Variants in ABR observed in about 807,000 individuals in gnomAD.
The protein encoded by ABR is ABR activator of RhoGEF and GTPase.
In ABR, 35 loss-of-function variants were observed where a neutral mutation model predicts 107.2. The ratio of observed to expected loss-of-function variants is 0.33; its 90% confidence interval spans 0.25 to 0.43. The LOEUF is 0.43. Ranked by LOEUF, ABR falls within the 20% of genes least tolerant of loss-of-function variation. The probability of loss-of-function intolerance (pLI) is 1.00; values close to 1 mark genes in which losing one functional copy is unlikely to be tolerated. For synonymous variants in ABR, 498 were observed against 462.0 expected, an observed-to-expected ratio of 1.08 and a Z score of -1.00; for missense variants, 815 against 1,115.2, an observed-to-expected ratio of 0.73 and a Z score of 3.83.
At position 1,203,176 on chromosome 17, in the gene ABR, G is replaced by C. The variant is rs566906401; in HGVS notation, c.838+25617C>G. ...GCTGGGATGACAGGCGTGAGCCATC[G>C]CGCCCAGCCCCATTCCTTTTAAAAG... is the stretch of plus-strand genomic sequence containing the variant. On this transcript the variant is annotated intron_variant, in intron 1 of 22. Coordinates refer to the ABR transcript ENST00000574139. Among the ~76,000 whole-genome samples the C allele has an allele frequency of 3.9e-5, 6 of 152,270 alleles. No individual in the cohort carries two copies. In the East Asian group the frequency reaches 1.2e-3, roughly 29 times the overall value.
chr17:1,188,419 G>A (rs1035859469), upstream of ABR, among the ~76,000 whole-genome samples: 3 of 151,930 alleles, frequency 2.0e-5, no homozygotes, highest in Non-Finnish European at 4.4e-5. Flanking sequence ...GCATGGTGGC[G>A]GGCGCCTGTA....
chr17:1,081,887 C>A (rs1464783097), intron 5 of ABR, among the ~76,000 whole-genome samples: 3 of 152,152 alleles, frequency 2.0e-5, no homozygotes, highest in African/African-American at 7.2e-5. Flanking sequence ...TCTATAGGTA[C>A]GTTTCATTCC....
At chr17:1,158,413 T>C (rs1301953683) in intron 1 of ABR, among the ~76,000 whole-genome samples, 1 of 151,694 alleles carries the variant, frequency 6.6e-6, no homozygotes, top group African/African-American at 2.4e-5. Flanking sequence ...TAGTCTTTAG[T>C]AAACCAAACC....
chr17:1,078,720 G>T lies in ABR; in HGVS notation c.700+610C>A. The stretch of plus-strand genomic sequence containing the variant: ...CGCTCGCCCACCCTCCTTCCCTGCG[G>T]CCCTCTAACCTCCCCGGCCACATCT... On this transcript the variant is annotated intron_variant, in intron 6 of 22. Coordinates refer to ENST00000302538, the MANE Select transcript of ABR (RefSeq NM_021962.5). The surrounding 1 kb of genome is among the most constrained non-coding windows in gnomAD (Gnocchi z 7.5). 7.6e-7 allele frequency: 1 copy of T among 1,314,192 alleles called. No homozygotes were observed. Among genetic ancestry groups the T allele is most frequent in the Non-Finnish European group, 1.0e-6 (1 of 959,458 alleles). The allele number at this position is 1,314,192 out of a possible 1,614,324, so 81.4% of individuals were successfully genotyped here.
At chr17:1,166,129 G>T (rs1242286876) in intron 1 of ABR, among the ~76,000 whole-genome samples, 1 of 152,124 alleles carries the variant, frequency 6.6e-6, no homozygotes, top group African/African-American at 2.4e-5. Flanking sequence ...GCCCAAGGTG[G>T]AGTTTCACTT....
At chr17:1,009,878 GC>G in intron 20 of ABR, 94 bp from the exon 21 acceptor site, 1 of 1,145,940 alleles carries the variant, frequency 8.7e-7, no homozygotes, top group Non-Finnish European at 1.3e-6. Flanking sequence ...GCGGGAGAGA[GC>G]CCAGGCTTCC....
intron 16 of ABR, among the ~76,000 whole-genome samples, chr17:1,019,712 G>A (rs2071471777): frequency 6.6e-6 from 1 of 152,270 alleles, no homozygotes; most frequent in Admixed American, 6.5e-5. Flanking sequence ...ATAACTCCTG[G>A]GAAATGTGGA....
At chr17:1,203,584 G>T (rs1363565662) in intron 1 of ABR, among the ~76,000 whole-genome samples, 3 of 151,850 alleles carry the variant, frequency 2.0e-5, no homozygotes, top group Non-Finnish European at 4.4e-5. Context: ...TCCAGGCGCG[G>T]TTAATCCAGT....
chr17:1,107,424 G>A (rs115829400), intron 2 of ABR, among the ~76,000 whole-genome samples: 1,771 of 152,352 alleles, frequency 0.012, 33 homozygotes, highest in African/African-American at 0.04. Flanking sequence ...GGTCCTCCAG[G>A]AGAATGGGAT....
chr17:1,206,198 G>A (rs2042785284), intron 1 of ABR, among the ~76,000 whole-genome samples: 1 of 152,200 alleles, frequency 6.6e-6, no homozygotes, highest in African/African-American at 2.4e-5. Context: ...GCTGCAGTGA[G>A]CTCTCATGTG....
Position 1,032,868 on chromosome 17 carries a change from G to A in ABR, c.1791+17182C>T, listed in dbSNP as rs142488431. Among the ~76,000 whole-genome samples, 979 of 152,268 alleles carry A rather than the reference G, an allele frequency of 6.4e-3. 9 individuals carry two copies. Among genetic ancestry groups the A allele is most frequent in the African/African-American group, 0.022 (916 of 41,546 alleles). On this transcript the variant is annotated intron_variant, in intron 16 of 22. Transcript: ENST00000302538. ...CTCGGACCTCTGCAGACCCCAGCACGGCACAGAAAGGAAACCAGTATTTGC... is the reference window on the plus strand; with the variant it reads ...CTCGGACCTCTGCAGACCCCAGCACAGCACAGAAAGGAAACCAGTATTTGC...
chr17:1,108,129 C>G (rs1475779970), intron 2 of ABR, among the ~76,000 whole-genome samples: 2 of 152,238 alleles, frequency 1.3e-5, no homozygotes, highest in Admixed American at 6.5e-5. Flanking sequence ...CCTCCCTTCT[C>G]GACACAGAAC....
chr17:1,060,369 C>T (rs1289055434), intron 10 of ABR, among the ~76,000 whole-genome samples: 1 of 152,064 alleles, frequency 6.6e-6, no homozygotes, highest in African/African-American at 2.4e-5. Context: ...CAAATCTCAC[C>T]AGTGCACTCC....
At chr17:1,176,453 C>T (rs927144749) in intron 1 of ABR, among the ~76,000 whole-genome samples, 5 of 152,192 alleles carry the variant, frequency 3.3e-5, no homozygotes, top group African/African-American at 1.2e-4. Context: ...CCATTTGTTA[C>T]TTATGTGATC....
chr17:1,145,826 G>T (rs117011341), intron 1 of ABR, among the ~76,000 whole-genome samples: 1 of 152,286 alleles, frequency 6.6e-6, no homozygotes, highest in Non-Finnish European at 1.5e-5. Flanking sequence ...GCCCCTGTCC[G>T]CAGAAGTCGC....
At chr17:1,072,793 TG>T in intron 7 of ABR, 39 bp from the exon 8 acceptor site, 1 of 1,595,610 alleles carries the variant, frequency 6.3e-7, no homozygotes, top group Non-Finnish European at 8.5e-7. Flanking sequence ...GGAGCGGCTC[TG>T]GGGCCTGATG....
At position 1,179,135 on chromosome 17, in the gene ABR, C is replaced by G. The variant is rs73277386; in HGVS notation, c.61+532G>C. 6.6e-6 allele frequency among the ~76,000 whole-genome samples: 1 copy of G among 151,304 alleles called. No homozygotes were observed. Among genetic ancestry groups the G allele is most frequent in the Admixed American group, 6.6e-5 (1 of 15,230 alleles). Reference sequence around the variant, plus strand: ...GGCCCCCGCGGATATCTGCACCCCCCGTCTCCCCTCCCACCCGATCCCACC... The same window carrying G: ...GGCCCCCGCGGATATCTGCACCCCCGGTCTCCCCTCCCACCCGATCCCACC... On this transcript the variant is annotated intron_variant, in intron 1 of 22. Coordinates refer to ENST00000302538, the MANE Select transcript of ABR (RefSeq NM_021962.5). The surrounding 1 kb of genome is among the most constrained non-coding windows in gnomAD (Gnocchi z 4.9).
rs11653390 is a variant in ABR, at chr17:1,076,719, G to A, written c.700+2611C>T. On this transcript the variant is annotated intron_variant, in intron 6 of 22. Coordinates refer to ENST00000302538, the MANE Select transcript of ABR (RefSeq NM_021962.5). ...CGGCCAGGAGGGCAGGTGCACGGGG[G>A]GGGTGGGGGTGGGGGGGGTGGCGGC... is the stretch of plus-strand genomic sequence containing the variant. Among the ~76,000 whole-genome samples the A allele has an allele frequency of 1.6e-5, 2 of 125,920 alleles. 1 individual carries two copies. The highest frequency in any genetic ancestry group is 7.9e-5 in the African/African-American group (2 of 25,318). The allele number at this position is 125,920 out of a possible 152,430, so 82.6% of individuals were successfully genotyped here. A position where few individuals can be genotyped will look rare whatever the true frequency, so the allele number is the denominator to read the frequency against.
intron 9 of ABR, among the ~76,000 whole-genome samples, chr17:1,068,752 G>T (rs2034970463): frequency 6.6e-6 from 1 of 152,158 alleles, no homozygotes. Flanking sequence ...AGGCTCAAAG[G>T]AGTTTGCACG....
Sources: allele counts gnomAD v4.1 joint callset (sites outside exome capture counted in the v4.1 genomes callset), GRCh38; gene constraint gnomAD v4.1.1; non-coding constraint Gnocchi (gnomAD v3.1); transcripts MANE v1.5; gene names NCBI Gene and HGNC (gene_info 2026-07-23, HGNC 2026-07-21).